ZNF804B: variants seen among roughly 807,000 people sequenced by gnomAD.
The protein encoded by ZNF804B is zinc finger 804B.
In ZNF804B, 80 loss-of-function variants were observed where a neutral mutation model predicts 101.4. The ratio of observed to expected loss-of-function variants is 0.79; its 90% CI spans 0.66 to 0.95. The LOEUF is 0.95. ZNF804B is among the 40% of genes least tolerant of loss of function. The pLI is 0.00. For missense variants in ZNF804B, 1,673 were observed against 1,561.9 expected (o/e 1.07, Z -1.20); for synonymous variants, 622 against 558.8 (o/e 1.11, Z -1.59).
chr7:88,794,512 A>G (rs1790442282), intron 1 of ZNF804B: 1 of 1,613,796 alleles, frequency 6.2e-7, no homozygotes, highest in Non-Finnish European at 8.5e-7. Context: ...ATGCCATTGC[A>G]TAAAAAGCCT....
intron 1 of ZNF804B, among the ~76,000 whole-genome samples, chr7:88,760,363 G>A (rs1216820079): frequency 6.6e-6 from 1 of 152,200 alleles, no homozygotes; most frequent in Non-Finnish European, 1.5e-5. Context: ...CAACTGCAGG[G>A]CTCAGAAGGT....
chr7:89,270,908 A>G (rs1584095035), intron 2 of ZNF804B, among the ~76,000 whole-genome samples: 1 of 152,170 alleles, frequency 6.6e-6, no homozygotes, highest in Non-Finnish European at 1.5e-5. Flanking sequence ...AATTTTGTAC[A>G]TTGATTTTGT....
Position 89,091,509 on chromosome 7 carries a change from A to C in ZNF804B, c.109-126646A>C, listed in dbSNP as rs564056608. Among the ~76,000 whole-genome samples, 7 of 152,324 alleles carry C rather than the reference A, an allele frequency of 4.6e-5. No individual in the cohort carries two copies. The South Asian group carries it at 1.4e-3, about 32-fold the overall frequency. On this transcript the variant is annotated intron_variant, in intron 1 of 3. Coordinates refer to ENST00000333190, the MANE Select transcript of ZNF804B (RefSeq NM_181646.5). ...CGGTAAAAGTCGAAAGTAGATAACT[A>C]GCCTCAGGAAAGCTAAAAGTGTGTG...
intron 1 of ZNF804B, among the ~76,000 whole-genome samples, chr7:89,206,439 A>C (rs957269787): frequency 1.3e-5 from 2 of 152,106 alleles, no homozygotes; most frequent in Non-Finnish European, 2.9e-5. Flanking sequence ...TTTCCAAACT[A>C]TGTATTTGTG....
In ZNF804B at chr7:89,167,961, A is replaced by G. The variant is rs1026790137; in HGVS notation, c.109-50194A>G. Among the ~76,000 whole-genome samples, 8 of 152,170 alleles carry G rather than the reference A, an allele frequency of 5.3e-5. No homozygotes were observed. The South Asian group carries it at 6.2e-4, about 12-fold the overall frequency. On this transcript the variant is annotated intron_variant, in intron 1 of 3. Coordinates refer to ENST00000333190, the MANE Select transcript of ZNF804B (RefSeq NM_181646.5). The stretch of plus-strand genomic sequence containing the variant: ...TAAAGCATAGATATGAAGATTTAAT[A>G]ATATCATACAATATCTATTTCAACA...
intron 1 of ZNF804B, among the ~76,000 whole-genome samples, chr7:88,973,340 T>C (rs1167053374): frequency 6.6e-6 from 1 of 151,344 alleles, no homozygotes; most frequent in African/African-American, 2.4e-5. Flanking sequence ...TTGTAAGATA[T>C]AGAATAATAG....
intron 1 of ZNF804B, among the ~76,000 whole-genome samples, chr7:89,203,280 G>A (rs1584051397): frequency 2.0e-5 from 3 of 152,142 alleles, no homozygotes; most frequent in African/African-American, 7.2e-5. Context: ...CAGCTCACAA[G>A]CATTTTTAGT....
chr7:89,010,021 A>AT (rs1468290839), intron 1 of ZNF804B, among the ~76,000 whole-genome samples: 1 of 152,078 alleles, frequency 6.6e-6, no homozygotes, highest in African/African-American at 2.4e-5. Context: ...TTAAGTTTAT[A>AT]TTTACTATTT....
intron 1 of ZNF804B, among the ~76,000 whole-genome samples, chr7:89,075,860 G>A (rs1380724130): frequency 6.6e-6 from 1 of 152,186 alleles, no homozygotes; most frequent in African/African-American, 2.4e-5. Context: ...CCATCTCTTG[G>A]ATCAGCATGA....
At chr7:88,850,024 G>A (rs57356800) in intron 1 of ZNF804B, among the ~76,000 whole-genome samples, 2,166 of 151,948 alleles carry the variant, frequency 0.014, 52 homozygotes, top group African/African-American at 0.049. Flanking sequence ...AGCCCAGGAC[G>A]GATTAAATGA....
intron 1 of ZNF804B, among the ~76,000 whole-genome samples, chr7:89,042,546 A>G (rs553711588): frequency 6.6e-6 from 1 of 152,276 alleles, no homozygotes; most frequent in African/African-American, 2.4e-5. Context: ...ATTTCTAATG[A>G]TATGTAAACT....
chr7:88,837,932 T>C (rs1456496594), intron 1 of ZNF804B, among the ~76,000 whole-genome samples: 1 of 151,750 alleles, frequency 6.6e-6, no homozygotes, highest in Non-Finnish European at 1.5e-5. Context: ...ATGTGTTATT[T>C]ATTTAAAAAT....
At chr7:88,887,336 C>G (rs1028763336) in intron 1 of ZNF804B, among the ~76,000 whole-genome samples, 9 of 152,082 alleles carry the variant, frequency 5.9e-5, no homozygotes, top group African/African-American at 2.2e-4. Context: ...GGATATTAGA[C>G]CTTTGTCGGA....
chr7:88,824,766 A>G (rs1440710839), intron 1 of ZNF804B, among the ~76,000 whole-genome samples: 1 of 152,134 alleles, frequency 6.6e-6, no homozygotes, highest in Admixed American at 6.6e-5. Context: ...AGATCGTGGA[A>G]CCCTATCCCA....
chr7:89,249,889 C>T (rs1010490003), intron 2 of ZNF804B, among the ~76,000 whole-genome samples: 2 of 152,032 alleles, frequency 1.3e-5, no homozygotes, highest in Non-Finnish European at 2.9e-5. Flanking sequence ...AGACTGCTAA[C>T]TAGACTAACA....
At chr7:89,293,485 A>G (rs893047478) in intron 2 of ZNF804B, among the ~76,000 whole-genome samples, 5 of 152,196 alleles carry the variant, frequency 3.3e-5, no homozygotes, top group African/African-American at 1.2e-4. Flanking sequence ...ATCCTCCATC[A>G]GTAATAATGC....
chr7:89,300,332 T>C (rs1450242496), intron 2 of ZNF804B, among the ~76,000 whole-genome samples: 5 of 151,850 alleles, frequency 3.3e-5, no homozygotes, highest in Non-Finnish European at 7.4e-5. Flanking sequence ...AATGTCCTTC[T>C]CTTCCATGTG....
chr7:89,211,308 A>G (rs965440305), intron 1 of ZNF804B, among the ~76,000 whole-genome samples: 10 of 151,992 alleles, frequency 6.6e-5, no homozygotes, highest in African/African-American at 2.4e-4. Flanking sequence ...GTTTTCTCTG[A>G]TGATAGTGGG....
rs182956360 is a variant in ZNF804B, at chr7:89,290,564, A to G, written c.250-36780A>G. Among the ~76,000 whole-genome samples the G allele has an allele frequency of 1.5e-3, 222 of 152,192 alleles. 1 individual carries two copies. Among genetic ancestry groups the G allele is most frequent in the African/African-American group, 5.1e-3 (210 of 41,546 alleles). ...AGCCCTTTGGTCTTAACTGAACATC[A>G]TCAGTAGCCTGGCAGTACTCCCCGG... On this transcript the variant is annotated intron_variant, in intron 2 of 3. Coordinates refer to ENST00000333190, the MANE Select transcript of ZNF804B (RefSeq NM_181646.5).
Sources: gnomAD v4.1 joint callset for allele counts (sites outside exome capture counted in the v4.1 genomes callset) on GRCh38, gnomAD v4.1.1 for gene constraint, MANE v1.5 for transcripts, NCBI Gene and HGNC (gene_info 2026-07-23, HGNC 2026-07-21) for gene names.